The following LNX1 variants were observed in gnomAD, a reference collection of about 807,000 sequenced individuals.
The protein encoded by LNX1 is ligand of numb-protein X 1, also known as E3 ubiquitin-protein ligase LNX.
Under a neutral mutation model 68.4 loss-of-function variants are expected in LNX1, and 54 were observed. That is an observed-to-expected ratio of 0.79 (90% CI 0.63 to 0.99). The LOEUF (loss-of-function observed/expected upper bound fraction) is 0.99, where lower values mean the gene tolerates loss of function less well. Ranked by LOEUF, LNX1 falls within the 50% of genes least tolerant of loss-of-function variation. The pLI is 0.00. For synonymous variants in LNX1, 336 were observed against 350.0 expected, an observed-to-expected ratio of 0.96 and a Z score of 0.45; for missense variants, 906 against 926.4, an observed-to-expected ratio of 0.98 and a Z score of 0.29.
Position 53,508,191 on chromosome 4 carries a change from A to G in LNX1, c.417T>C (p.Asp139=), listed in dbSNP as rs373241346. The G allele has an allele frequency of 2.5e-6, 4 of 1,614,068 alleles. No individual in the cohort carries two copies. The highest frequency in any genetic ancestry group is 3.4e-6 in the Non-Finnish European group (4 of 1,179,992). The change falls in exon 3 of 11, where the codon GAT becomes GAC. Residue 139 remains aspartate, a synonymous_variant. Transcript: ENST00000263925. ...AGCCATCTTGTGAGCGCCTCTTCCTATCTTTGGTCAGGCCGTAGTGGGAGG... is the reference window on the plus strand; with the variant it reads ...AGCCATCTTGTGAGCGCCTCTTCCTGTCTTTGGTCAGGCCGTAGTGGGAGG... ...KGASHYGLTK[D]RKRRSQDGCP...
intron 2 of LNX1, among the ~76,000 whole-genome samples, chr4:53,609,269 C>G (rs1275337988): frequency 1.6e-5 from 2 of 123,664 alleles, no homozygotes; most frequent in African/African-American, 2.9e-5. Flanking sequence ...TGAACCTAAA[C>G]TAAAAGTAAA....
intron 2 of LNX1, among the ~76,000 whole-genome samples, chr4:53,609,229 A>T (rs1733370592): frequency 6.6e-6 from 1 of 152,106 alleles, no homozygotes. Context: ...CATGCAATTT[A>T]CCTATGTAAC....
At chr4:53,613,196 C>A (rs1242806679) in intron 2 of LNX1, among the ~76,000 whole-genome samples, 1 of 151,496 alleles carries the variant, frequency 6.6e-6, no homozygotes, top group Non-Finnish European at 1.5e-5. Flanking sequence ...AAAAAGACCC[C>A]CTACACATAA....
chr4:53,509,604 T>C (rs896917932), intron 2 of LNX1, among the ~76,000 whole-genome samples: 1 of 152,222 alleles, frequency 6.6e-6, no homozygotes, highest in Non-Finnish European at 1.5e-5. Context: ...ACATTAAGTC[T>C]TATCAGGGGT....
At chr4:53,619,783 G>A (rs1037832591), upstream of LNX1, among the ~76,000 whole-genome samples, 1 of 152,182 alleles carries the variant, frequency 6.6e-6, no homozygotes, top group Non-Finnish European at 1.5e-5. Flanking sequence ...TCGATGAACT[G>A]TCAAACTGTT....
At chr4:53,491,804 TGTTTG>T (rs772915842) in intron 6 of LNX1, among the ~76,000 whole-genome samples, 1 of 148,802 alleles carries the variant, frequency 6.7e-6, no homozygotes, top group Non-Finnish European at 1.5e-5. Flanking sequence ...TTTTTTTGTT[TGTTTG>T]TTTTTTGAGA....
intron 6 of LNX1, among the ~76,000 whole-genome samples, chr4:53,483,213 C>T (rs1173098895): frequency 4.6e-5 from 7 of 152,188 alleles, no homozygotes; most frequent in Admixed American, 3.9e-4. Context: ...CACAGGCTCT[C>T]TTGTCTGCCA....
chr4:53,641,481 G>C (rs1734679933), intron 1 of LNX1, among the ~76,000 whole-genome samples: 1 of 152,190 alleles, frequency 6.6e-6, no homozygotes, highest in African/African-American at 2.4e-5. Flanking sequence ...CCAAAGACGA[G>C]AGAAATGGAC....
intron 2 of LNX1, among the ~76,000 whole-genome samples, chr4:53,567,512 TTATAGCAC>T (rs1322268639): frequency 2.0e-5 from 3 of 152,114 alleles, no homozygotes; most frequent in Non-Finnish European, 4.4e-5. Context: ...AGAGGGAAAT[TTATAGCAC>T]TAAGTGCCCA....
At chr4:53,558,381 C>CCGTGG in intron 2 of LNX1, 2 of 510,832 alleles carry the variant, frequency 3.9e-6, no homozygotes, top group Non-Finnish European at 5.0e-6. Flanking sequence ...TCAGACCCCA[C>CCGTGG]GGTGTGAATA....
chr4:53,479,784 G>A lies in LNX1; in HGVS notation c.1486-1042C>T, dbSNP rs532903283. On this transcript the variant is annotated intron_variant, in intron 7 of 10. Coordinates refer to ENST00000263925, the MANE Select transcript of LNX1 (RefSeq NM_001126328.3). Reference sequence around the variant, plus strand: ...CTGAATATTTCTCAAACTATAAGATGTATTTCCATTTTAGAATATTTGCTT... The same window carrying A: ...CTGAATATTTCTCAAACTATAAGATATATTTCCATTTTAGAATATTTGCTT... 2.0e-5 allele frequency among the ~76,000 whole-genome samples: 3 copies of A among 152,312 alleles called. No individual in the cohort carries two copies. The South Asian group carries it at 6.2e-4, about 32-fold the overall frequency.
chr4:53,636,933 C>T (rs1057084480), intron 1 of LNX1, among the ~76,000 whole-genome samples: 3 of 150,784 alleles, frequency 2.0e-5, no homozygotes, highest in Non-Finnish European at 3.0e-5. Flanking sequence ...GTATGCAGAC[C>T]GCAGGTTCCC....
chr4:53,476,682 G>A (rs1268982293), intron 9 of LNX1, 71 bp downstream of exon 9: 4 of 1,301,988 alleles, frequency 3.1e-6, no homozygotes, highest in South Asian at 2.4e-5. Context: ...GCCCTAGAGA[G>A]TGAAAGAGTG....
Position 53,476,056 on chromosome 4 carries a change from C to T in LNX1, c.1892+697G>A, listed in dbSNP as rs74658403. Among the ~76,000 whole-genome samples, 15 of 152,194 alleles carry T rather than the reference C, an allele frequency of 9.9e-5. No homozygotes were observed. In the East Asian group the frequency reaches 2.9e-3, roughly 30 times the overall value. On this transcript the variant is annotated intron_variant, in intron 9 of 10. Transcript: ENST00000263925. ...TCACACCTGTAATCCCAGCACTTTG[C>T]CAGGCCGAGGCAGGCAGATTGATTG...
chr4:53,557,403 A>G (rs1729988371), intron 2 of LNX1, among the ~76,000 whole-genome samples: 1 of 152,196 alleles, frequency 6.6e-6, no homozygotes, highest in Non-Finnish European at 1.5e-5. Flanking sequence ...TAACATGGAT[A>G]TATACATTTT....
rs539391143 is a variant in LNX1, at chr4:53,646,867, C to A, written c.-215+5301G>T. On this transcript the variant is annotated intron_variant, in intron 1 of 2. Transcript: ENST00000507168. Reference sequence around the variant, plus strand: ...CACTGTTAATTTTTCACTATTATTTCATTATTGTTCCAATTTAACATGAGT... The same window carrying A: ...CACTGTTAATTTTTCACTATTATTTAATTATTGTTCCAATTTAACATGAGT... 7.9e-5 allele frequency among the ~76,000 whole-genome samples: 12 copies of A among 152,312 alleles called. No individual in the cohort carries two copies. The East Asian group carries it at 1.4e-3, about 17-fold the overall frequency.
At chr4:53,603,048 T>C (rs1733083985) in intron 2 of LNX1, 1 of 152,204 alleles carries the variant, frequency 6.6e-6, no homozygotes, top group Non-Finnish European at 1.5e-5. Context: ...AAAAGATCCC[T>C]TTCAAGTCTA....
intron 2 of LNX1, among the ~76,000 whole-genome samples, chr4:53,603,275 T>A (rs1733093602): frequency 6.6e-6 from 1 of 152,188 alleles, no homozygotes; most frequent in South Asian, 2.1e-4. Context: ...ATTTTCATAT[T>A]CATGGTTCCT....
At chr4:53,533,700 T>G (rs1235507716) in intron 2 of LNX1, among the ~76,000 whole-genome samples, 1 of 152,142 alleles carries the variant, frequency 6.6e-6, no homozygotes, top group Admixed American at 6.5e-5. Flanking sequence ...GTACCCAGCC[T>G]GGAGACATTT....
Sources: allele counts gnomAD v4.1 joint callset (sites outside exome capture counted in the v4.1 genomes callset), GRCh38; gene constraint gnomAD v4.1.1; transcripts MANE v1.5; gene names NCBI Gene and HGNC (gene_info 2026-07-23, HGNC 2026-07-21).